Variants in ACTN4 observed in about 807,000 individuals in gnomAD.
ACTN4 encodes the protein actinin alpha 4, also known as alpha-actinin-4.
Under a neutral mutation model 114.2 loss-of-function variants are expected in ACTN4, and 18 were observed. The ratio of observed to expected loss-of-function variants is 0.16; its 90% CI spans 0.11 to 0.23. The LOEUF (loss-of-function observed/expected upper bound fraction) is 0.23, where lower values mean the gene tolerates loss of function less well. ACTN4 is among the 10% of genes least tolerant of loss of function. The pLI, the probability that ACTN4 is intolerant of heterozygous loss-of-function variation, is 1.00. For synonymous variants in ACTN4, 515 were observed against 506.3 expected (o/e 1.02, Z -0.23); for missense variants, 722 against 1,262.9 (o/e 0.57, Z 6.49).
chr19:38,709,800 T>G (rs962704436), intron 7 of ACTN4, among the ~76,000 whole-genome samples: 1 of 152,154 alleles, frequency 6.6e-6, no homozygotes, highest in Non-Finnish European at 1.5e-5. Flanking sequence ...GAGGGGTGCT[T>G]CAGGCTTCCT....
At chr19:38,711,131 G>A (rs1968635018) in intron 8 of ACTN4, 1 of 195,458 alleles carries the variant, frequency 5.1e-6, no homozygotes, top group Non-Finnish European at 9.3e-6. Context: ...AACCCCGCAA[G>A]GCATGTCCAC....
chr19:38,670,965 A>G (rs1448521578), intron 1 of ACTN4, among the ~76,000 whole-genome samples: 1 of 150,672 alleles, frequency 6.6e-6, no homozygotes, highest in Non-Finnish European at 1.5e-5. Flanking sequence ...AATAGGGCCT[A>G]TTGGGTGTGA....
chr19:38,664,123 C>G (rs536674996), intron 1 of ACTN4, among the ~76,000 whole-genome samples: 36 of 152,340 alleles, frequency 2.4e-4, no homozygotes, highest in African/African-American at 8.4e-4. Context: ...GCCACAGCTC[C>G]TCTGTTGCCC....
At chr19:38,714,152 G>A (rs746531645) in intron 8 of ACTN4, among the ~76,000 whole-genome samples, 8 of 152,152 alleles carry the variant, frequency 5.3e-5, no homozygotes, top group Admixed American at 3.3e-4. Flanking sequence ...TAGGTCCAAC[G>A]CAGCCGACCC....
intron 1 of ACTN4, among the ~76,000 whole-genome samples, chr19:38,669,866 T>TG (rs1469911990): frequency 6.6e-6 from 1 of 152,038 alleles, no homozygotes; most frequent in African/African-American, 2.4e-5. Flanking sequence ...AAAGACTCCT[T>TG]GGGTAGCTGG....
chr19:38,725,702 C>A lies in ACTN4; in HGVS notation c.2011-22C>A, dbSNP rs751409725. 3.1e-6 allele frequency: 5 copies of A among 1,611,520 alleles called. No homozygotes were observed. In the African/African-American group the frequency reaches 6.7e-5, roughly 22 times the overall value. On this transcript the variant is annotated intron_variant, in intron 16 of 20. Transcript: ENST00000252699. ...GGGCAGGCCCACCAGCCTCACCCCA[C>A]CGCCTGCACCCACCCCCGTAGGAGA...
chr19:38,710,475 T>C (rs932671699), intron 8 of ACTN4, 133 bp downstream of exon 8: 5 of 941,666 alleles, frequency 5.3e-6, no homozygotes, highest in Non-Finnish European at 8.5e-6. Context: ...CACCCCCAGC[T>C]CCCTGGCGTT....
chr19:38,731,153 G>A lies in ACTN4; in HGVS notation c.*1721G>A. 1 of 1,613,224 alleles carries A rather than the reference G, an allele frequency of 6.2e-7. No individual in the cohort carries two copies. Among genetic ancestry groups the A allele is most frequent in the Non-Finnish European group, 8.5e-7 (1 of 1,180,008 alleles). ...CCACACAGGACACGAACCGCTCGAA[G>A]TCCACACGCAGACGGCTATCCCGGT... is the stretch of plus-strand genomic sequence containing the variant. On this transcript the variant is annotated 3_prime_UTR_variant, in exon 21 of 21. Transcript: ENST00000252699.
At chr19:38,712,203 G>A (rs1397942513) in intron 8 of ACTN4, among the ~76,000 whole-genome samples, 3 of 152,142 alleles carry the variant, frequency 2.0e-5, no homozygotes, top group African/African-American at 7.2e-5. Flanking sequence ...ATTTGAGAGA[G>A]GAGGAATTGA....
At chr19:38,668,662 G>A (rs897580138) in intron 1 of ACTN4, among the ~76,000 whole-genome samples, 2 of 152,104 alleles carry the variant, frequency 1.3e-5, no homozygotes, top group African/African-American at 4.8e-5. Flanking sequence ...CTCCAGCCTG[G>A]CAAGAGAGTG....
intron 2 of ACTN4, 81 bp from the exon 3 acceptor site, chr19:38,700,921 C>G: frequency 1.3e-6 from 2 of 1,574,878 alleles, no homozygotes; most frequent in Non-Finnish European, 8.6e-7. Context: ...AGAGGAGACT[C>G]TAAAGCCTCT....
chr19:38,669,757 C>A (rs139270253), intron 1 of ACTN4, among the ~76,000 whole-genome samples: 1 of 152,188 alleles, frequency 6.6e-6, no homozygotes, highest in African/African-American at 2.4e-5. Flanking sequence ...GTAACAGTGC[C>A]GGAGCTGACA....
At chr19:38,728,127 G>A in intron 19 of ACTN4, 101 bp downstream of exon 19, 1 of 1,437,662 alleles carries the variant, frequency 7.0e-7, no homozygotes, top group Non-Finnish European at 9.6e-7. Flanking sequence ...GCCATCCTGT[G>A]TGCCATCTCA....
chr19:38,703,589 C>T (rs1415631492), intron 3 of ACTN4, among the ~76,000 whole-genome samples: 1 of 152,186 alleles, frequency 6.6e-6, no homozygotes, highest in Non-Finnish European at 1.5e-5. Flanking sequence ...AGTCTGGCCT[C>T]AGGCCCGTGC....
At chr19:38,682,715 C>G (rs1039043158) in intron 1 of ACTN4, among the ~76,000 whole-genome samples, 1 of 152,154 alleles carries the variant, frequency 6.6e-6, no homozygotes, top group Non-Finnish European at 1.5e-5. Context: ...AGGATGAAAC[C>G]CACACTGCCA....
At chr19:38,659,156 G>T (rs1344628701) in intron 1 of ACTN4, among the ~76,000 whole-genome samples, 2 of 143,378 alleles carry the variant, frequency 1.4e-5, no homozygotes, top group Non-Finnish European at 3.0e-5. Context: ...CGCATCCTGG[G>T]TTCAAGTGAT....
At chr19:38,651,710 T>C (rs558948650) in intron 1 of ACTN4, among the ~76,000 whole-genome samples, 2 of 151,962 alleles carry the variant, frequency 1.3e-5, no homozygotes, top group East Asian at 3.9e-4. Context: ...TTTTTGTTTG[T>C]TTTTTGTATT....
Position 38,673,557 on chromosome 19 carries a change from TTA to T in ACTN4, c.162+25658_162+25659del, listed in dbSNP as rs1456758662. On this transcript the variant is annotated intron_variant, in intron 1 of 20. Transcript: ENST00000252699. ...TATACTTATATATATTTATATATACTTATATATATTTATATATATTCATATAT... is the reference window on the plus strand; with the variant it reads ...TATACTTATATATATTTATATATACTTATATATTTATATATATTCATATAT... 4.2e-4 allele frequency among the ~76,000 whole-genome samples: 37 copies of T among 87,924 alleles called. 3 individuals carry two copies. The highest frequency in any genetic ancestry group is 1.2e-3 in the African/African-American group (31 of 24,944). The allele number at this position is 87,924 out of a possible 152,430, so 57.7% of individuals were successfully genotyped here.
intron 13 of ACTN4, 67 bp from the exon 14 acceptor site, chr19:38,723,870 C>A (rs940411935): frequency 1.3e-6 from 2 of 1,574,254 alleles, no homozygotes; most frequent in African/African-American, 1.4e-5. Flanking sequence ...GACCCCTCCC[C>A]ACCCCTCCTG....
Sources: gnomAD v4.1 joint callset for allele counts (sites outside exome capture counted in the v4.1 genomes callset) on GRCh38, gnomAD v4.1.1 for gene constraint, MANE v1.5 for transcripts, NCBI Gene and HGNC (gene_info 2026-07-23, HGNC 2026-07-21) for gene names.